Variants in CHD7 observed in about 807,000 individuals in gnomAD.
CHD7 encodes chromodomain helicase DNA binding protein 7, also known as ATP-dependent chromatin remodeler CHD7.
In CHD7, 24 loss-of-function variants were observed where a neutral mutation model predicts 307.3. The ratio of observed to expected loss-of-function variants is 0.08; its 90% CI spans 0.06 to 0.11. The LOEUF is 0.11. Among genes scored for constraint, CHD7 ranks in the 10% least tolerant of loss-of-function variants. CHD7 has a pLI of 1.00. For missense variants in CHD7, 3,106 were observed against 3,727.1 expected (o/e 0.83, Z 4.34); for synonymous variants, 1,363 against 1,349.9 (o/e 1.01, Z -0.21).
At chr8:60,797,322 A>G (rs1049182312) in intron 4 of CHD7, among the ~76,000 whole-genome samples, 5 of 152,260 alleles carry the variant, frequency 3.3e-5, no homozygotes, top group African/African-American at 9.6e-5. Flanking sequence ...GTTTTTACAT[A>G]GGAAGTGACC....
At chr8:60,792,732 A>G (rs1345974848) in intron 3 of CHD7, among the ~76,000 whole-genome samples, 1 of 152,158 alleles carries the variant, frequency 6.6e-6, no homozygotes, top group Admixed American at 6.5e-5. Context: ...TTACTCCTGT[A>G]GGACCACGCA....
chr8:60,856,652 T>C lies in CHD7; in HGVS notation c.7372T>C (p.Phe2458Leu). The change falls in exon 34 of 38, where the codon TTT (phenylalanine) becomes CTT (leucine). Residue 2458 changes from phenylalanine (F) to leucine (L), a missense_variant. Phe to Leu is a conservative substitution (Grantham distance 22). Transcript: ENST00000423902. ...AGAGGCAACAAGCTCTACCTCAAAT[T>C]TTTCATCTCTTTCTTCAAAGTTTAT... ...SREATSSTSN[F>L]SSLSSKFILP... 1.2e-6 allele frequency: 2 copies of C among 1,613,942 alleles called. No homozygotes were observed. The highest frequency in any genetic ancestry group is 1.7e-6 in the Non-Finnish European group (2 of 1,179,876).
chr8:60,759,640 G>A (rs970320538), intron 2 of CHD7, among the ~76,000 whole-genome samples: 4 of 152,058 alleles, frequency 2.6e-5, no homozygotes, highest in Non-Finnish European at 4.4e-5. Context: ...CTCTGCAGAG[G>A]TAAGCCCCCG....
intron 6 of CHD7, among the ~76,000 whole-genome samples, chr8:60,807,928 A>T (rs573206294): frequency 9.8e-5 from 15 of 152,330 alleles, no homozygotes; most frequent in Non-Finnish European, 1.6e-4. Context: ...CAGAAGGCCA[A>T]ATTTGGGGTC....
intron 1 of CHD7, among the ~76,000 whole-genome samples, chr8:60,695,924 G>T (rs1224918852): frequency 6.9e-6 from 1 of 145,760 alleles, no homozygotes; most frequent in Non-Finnish European, 1.5e-5. Context: ...TAGAGACTGT[G>T]TGTATAAAGA....
At chr8:60,695,719 A>G (rs1806433685) in intron 1 of CHD7, among the ~76,000 whole-genome samples, 1 of 152,260 alleles carries the variant, frequency 6.6e-6, no homozygotes, top group Non-Finnish European at 1.5e-5. Flanking sequence ...AGCAAACTTA[A>G]TTGTCAATAA....
intron 15 of CHD7, 29 bp downstream of exon 15, chr8:60,830,606 T>G: frequency 6.2e-7 from 1 of 1,604,150 alleles, no homozygotes; most frequent in Non-Finnish European, 8.5e-7. Context: ...CGAACTTGCT[T>G]AAGTGACGAT....
intron 7 of CHD7, among the ~76,000 whole-genome samples, chr8:60,814,477 CCT>C (rs1803636605): frequency 6.6e-6 from 1 of 152,070 alleles, no homozygotes; most frequent in African/African-American, 2.4e-5. Context: ...AGAGGGTCTC[CCT>C]CTGTCACCCA....
At chr8:60,799,014 AC>A (rs1812166731) in intron 4 of CHD7, among the ~76,000 whole-genome samples, 1 of 152,130 alleles carries the variant, frequency 6.6e-6, no homozygotes, top group South Asian at 2.1e-4. Flanking sequence ...CTGTCTTTTC[AC>A]ATTCCTTATT....
chr8:60,780,807 T>G (rs1346905872), intron 2 of CHD7, among the ~76,000 whole-genome samples, 193 bp from the exon 3 acceptor site: 1 of 152,262 alleles, frequency 6.6e-6, no homozygotes, highest in African/African-American at 2.4e-5. Context: ...ACTTTCTTTC[T>G]TAAAAGATTC....
intron 1 of CHD7, among the ~76,000 whole-genome samples, chr8:60,721,336 G>A (rs569992840): frequency 6.6e-6 from 1 of 152,340 alleles, no homozygotes; most frequent in East Asian, 1.9e-4. Context: ...AAGAGGCCAT[G>A]TGTGCACACA....
Position 60,852,945 on chromosome 8 carries a change from C to A in CHD7, c.6220C>A (p.Leu2074Met), listed in dbSNP as rs925421623. The change falls in exon 31 of 38, where the codon CTG becomes ATG. Residue 2074 changes from leucine (L) to methionine (M), a missense_variant. Physicochemically the swap from Leu to Met is conservative, Grantham distance 15. This residue lies in a region of CHD7 where 1,030 missense variants were observed against 1,165.4 expected (regional missense o/e 0.88). Transcript: ENST00000423902. ...IREQVLHHPQ[L>M]GERLKLCQPS... ...CGAGCAGGTTCTCCATCACCCCCAGCTGGGAGAGAGGCTTAAGCTCTGCCA... is the reference window on the plus strand; with the variant it reads ...CGAGCAGGTTCTCCATCACCCCCAGATGGGAGAGAGGCTTAAGCTCTGCCA... 2 of 1,613,998 alleles carry A rather than the reference C, an allele frequency of 1.2e-6. No homozygotes were observed. Among genetic ancestry groups the A allele is most frequent in the African/African-American group, 1.3e-5 (1 of 75,042 alleles).
intron 2 of CHD7, among the ~76,000 whole-genome samples, chr8:60,777,044 C>T (rs936425229): frequency 2.0e-5 from 3 of 152,192 alleles, no homozygotes; most frequent in Non-Finnish European, 1.5e-5. Context: ...GCCTCTTCTT[C>T]ACCAGAATCT....
intron 27 of CHD7, 22 bp downstream of exon 27, chr8:60,851,126 C>CT (rs1289287683): frequency 6.5e-6 from 10 of 1,531,176 alleles, no homozygotes; most frequent in Admixed American, 3.9e-5. Context: ...AGTATATTGG[C>CT]TTTTATAGCT....
chr8:60,742,315 C>G lies in CHD7; in HGVS notation c.883C>G (p.Arg295Gly), dbSNP rs750978197. 6.2e-7 allele frequency: 1 copy of G among 1,613,860 alleles called. No individual in the cohort carries two copies. Reference sequence around the variant, plus strand: ...GCCGCAAACCCTTAACTTTAGTTCTCGGAGCCAGACAGTCCCCTCTCCTAC... The same window carrying G: ...GCCGCAAACCCTTAACTTTAGTTCTGGGAGCCAGACAGTCCCCTCTCCTAC... ...VRPQTLNFSS[R>G]SQTVPSPTIN... Residue 295 changes from arginine to glycine, a missense_variant, in exon 2 of 38, where the codon CGG becomes GGG. Transcript: ENST00000423902.
intron 14 of CHD7, among the ~76,000 whole-genome samples, chr8:60,829,264 C>T (rs1316560236): frequency 6.6e-6 from 1 of 152,228 alleles, no homozygotes; most frequent in African/African-American, 2.4e-5. Context: ...GGCATAACCA[C>T]TGCACAGTAT....
chr8:60,760,402 C>T (rs561699792), intron 2 of CHD7, among the ~76,000 whole-genome samples: 1 of 147,372 alleles, frequency 6.8e-6, no homozygotes, highest in East Asian at 2.0e-4. Context: ...AGAAGAAAAC[C>T]TAGGCATTAC....
intron 2 of CHD7, among the ~76,000 whole-genome samples, chr8:60,752,965 A>G (rs1281682984): frequency 1.3e-5 from 2 of 152,228 alleles, no homozygotes; most frequent in Non-Finnish European, 2.9e-5. Flanking sequence ...AACCACAGGG[A>G]GAAATGGAAC....
At chr8:60,834,025 T>C (rs1340760381) in intron 15 of CHD7, among the ~76,000 whole-genome samples, 1 of 152,256 alleles carries the variant, frequency 6.6e-6, no homozygotes, top group Non-Finnish European at 1.5e-5. Context: ...GCTGAATTAA[T>C]TAATTCAGAA....
Sources: gnomAD v4.1 joint callset for allele counts (sites outside exome capture counted in the v4.1 genomes callset) on GRCh38, gnomAD v4.1.1 for gene constraint, gnomAD v4.1.1 regional missense constraint, MANE v1.5 for transcripts, NCBI Gene and HGNC (gene_info 2026-07-23, HGNC 2026-07-21) for gene names.